Variants in MECOM observed in about 807,000 individuals in gnomAD.
MECOM encodes histone-lysine N-methyltransferase MECOM.
In MECOM, 13 loss-of-function variants were observed where a neutral mutation model predicts 116.3. The observed-to-expected ratio is 0.11, with a 90% CI of 0.07 to 0.18. The LOEUF (loss-of-function observed/expected upper bound fraction) is 0.18. MECOM is among the 10% of genes least tolerant of loss of function. MECOM has a pLI of 1.00. For missense variants in MECOM, 1,299 were observed against 1,509.0 expected, an observed-to-expected ratio of 0.86 and a Z score of 2.31; for synonymous variants, 528 against 535.2, an observed-to-expected ratio of 0.99 and a Z score of 0.19.
chr3:169,325,490 G>T (rs980789252), intron 2 of MECOM, among the ~76,000 whole-genome samples: 11 of 152,190 alleles, frequency 7.2e-5, no homozygotes, highest in Admixed American at 2.0e-4. Flanking sequence ...TGTCTGAAGG[G>T]TATGTGAAGC....
At chr3:169,542,017 T>C (rs1046514132) in intron 1 of MECOM, among the ~76,000 whole-genome samples, 7 of 152,188 alleles carry the variant, frequency 4.6e-5, no homozygotes, top group African/African-American at 1.7e-4. Flanking sequence ...AGAAGGATTA[T>C]ATAAAAGATG....
chr3:169,411,730 C>T (rs1055554267), intron 1 of MECOM, among the ~76,000 whole-genome samples: 7 of 152,238 alleles, frequency 4.6e-5, no homozygotes, highest in African/African-American at 1.4e-4. Context: ...GTGGCTCATG[C>T]CTGTAATCCC....
chr3:169,545,734 T>C lies in MECOM; in HGVS notation c.37+117602A>G, dbSNP rs548782341. Among the ~76,000 whole-genome samples the C allele has an allele frequency of 9.8e-5, 15 of 152,294 alleles. No individual in the cohort carries two copies. The South Asian group carries it at 3.1e-3, about 32-fold the overall frequency. ...CACTCTGCCTGAGAGTCAATACTGA[T>C]TCCCAAGTCTGTGCCAGAGACACAG... On this transcript the variant is annotated intron_variant, in intron 1 of 16. Coordinates refer to ENST00000651503, the MANE Select transcript of MECOM (RefSeq NM_004991.4).
At chr3:169,565,400 G>A (rs979022892) in intron 1 of MECOM, among the ~76,000 whole-genome samples, 4 of 152,084 alleles carry the variant, frequency 2.6e-5, no homozygotes, top group African/African-American at 4.8e-5. Flanking sequence ...GGCTTTCCTC[G>A]GATCCACTGC....
chr3:169,169,611 C>T (rs761556078), intron 2 of MECOM, among the ~76,000 whole-genome samples: 1 of 151,790 alleles, frequency 6.6e-6, no homozygotes, highest in African/African-American at 2.4e-5. Context: ...AAGTGTCATC[C>T]AAAACTCAGT....
chr3:169,163,032 G>GATA (rs1206913911), intron 2 of MECOM, among the ~76,000 whole-genome samples: 2 of 151,716 alleles, frequency 1.3e-5, no homozygotes, highest in African/African-American at 2.4e-5. Flanking sequence ...TTGCAATAAT[G>GATA]ATAATAATAA....
intron 1 of MECOM, among the ~76,000 whole-genome samples, chr3:169,417,019 G>C (rs1248215878): frequency 6.6e-6 from 1 of 151,910 alleles, no homozygotes; most frequent in Non-Finnish European, 1.5e-5. Context: ...AGAAAACCTA[G>C]GCATTACCAT....
intron 3 of MECOM, among the ~76,000 whole-genome samples, chr3:169,136,998 C>G (rs1736557386): frequency 6.6e-6 from 1 of 152,060 alleles, no homozygotes. Context: ...GAAATATACT[C>G]CCAGCAAAAT....
chr3:169,142,395 T>C (rs1368090660), intron 3 of MECOM, among the ~76,000 whole-genome samples: 1 of 151,960 alleles, frequency 6.6e-6, no homozygotes, highest in African/African-American at 2.4e-5. Context: ...ATAACATTAA[T>C]TCACTCACAA....
At chr3:169,487,808 G>A (rs1752587759) in intron 1 of MECOM, among the ~76,000 whole-genome samples, 1 of 150,996 alleles carries the variant, frequency 6.6e-6, no homozygotes, top group African/African-American at 2.4e-5. Flanking sequence ...GTCGGGGTGG[G>A]GGGACTCAGT....
intron 1 of MECOM, among the ~76,000 whole-genome samples, chr3:169,594,154 C>CAAAAAAAAAAAAAAAAAAAA (rs34331048): frequency 2.2e-4 from 10 of 45,702 alleles, no homozygotes; most frequent in Non-Finnish European, 3.2e-4. Context: ...ACCACCACCA[C>CAAAAAAAAAAAAAAAAAAAA]AAAAAAAAAA....
At chr3:169,522,446 C>T (rs7618309) in intron 1 of MECOM, among the ~76,000 whole-genome samples, 78,233 of 151,902 alleles carry the variant, frequency 0.52, 21,567 homozygotes, top group African/African-American at 0.73. Context: ...GATATAATAA[C>T]AGACTTAGCA....
intron 2 of MECOM, among the ~76,000 whole-genome samples, chr3:169,209,507 G>A (rs1016659297): frequency 3.7e-4 from 55 of 148,960 alleles, no homozygotes; most frequent in African/African-American, 3.9e-4. Flanking sequence ...ACAAATTTAC[G>A]AGAAAAAAAC....
At chr3:169,315,347 T>C (rs1719548090) in intron 2 of MECOM, among the ~76,000 whole-genome samples, 2 of 152,200 alleles carry the variant, frequency 1.3e-5, no homozygotes, top group Non-Finnish European at 2.9e-5. Context: ...TTTGGCTCTT[T>C]TCACACTTCA....
intron 1 of MECOM, among the ~76,000 whole-genome samples, chr3:169,432,840 T>C (rs776330287): frequency 3.3e-5 from 5 of 152,200 alleles, no homozygotes; most frequent in Admixed American, 6.5e-5. Context: ...AGTAGATTGT[T>C]CTATTCTGTG....
chr3:169,146,912 A>G lies in MECOM; in HGVS notation c.376-3080T>C, dbSNP rs1246896845. The G allele has an allele frequency of 3.9e-6, 4 of 1,029,040 alleles. No homozygotes were observed. In the South Asian group the frequency reaches 1.4e-4, roughly 37 times the overall value. 63.7% of individuals were successfully genotyped at this position (1,029,040 alleles called of 1,614,324 possible). A position where few individuals can be genotyped will look rare whatever the true frequency, so the allele number is the denominator to read the frequency against. ...TAAAAGCCTCGCGTCTCGATTTCCA[A>G]ATGGGTCTCTGACAACTTTGTCCGT... is the stretch of plus-strand genomic sequence containing the variant. On this transcript the variant is annotated intron_variant, in intron 2 of 16. Coordinates refer to ENST00000651503, the MANE Select transcript of MECOM (RefSeq NM_004991.4).
chr3:169,283,318 T>C (rs1353791265), intron 2 of MECOM, among the ~76,000 whole-genome samples: 4 of 151,898 alleles, frequency 2.6e-5, no homozygotes, highest in Non-Finnish European at 5.9e-5. Flanking sequence ...GCCTGGGCAA[T>C]ATAGTGAGAC....
chr3:169,252,465 G>T, intron 2 of MECOM, among the ~76,000 whole-genome samples: 1 of 151,158 alleles, frequency 6.6e-6, no homozygotes, highest in Non-Finnish European at 1.5e-5. Context: ...TGATAATATA[G>T]TAAAATAGTT....
chr3:169,447,530 C>G (rs949057767), intron 1 of MECOM, among the ~76,000 whole-genome samples: 1 of 152,044 alleles, frequency 6.6e-6, no homozygotes, highest in Non-Finnish European at 1.5e-5. Flanking sequence ...TACAAAGTAC[C>G]TTTATAAAGC....
Sources: allele counts gnomAD v4.1 joint callset (sites outside exome capture counted in the v4.1 genomes callset), GRCh38; gene constraint gnomAD v4.1.1; transcripts MANE v1.5; gene names NCBI Gene and HGNC (gene_info 2026-07-23, HGNC 2026-07-21).